The following CHRM3 variants were observed in gnomAD, a reference collection of about 807,000 sequenced individuals.
CHRM3 encodes cholinergic receptor muscarinic 3.
In CHRM3, 11 loss-of-function variants were observed where a neutral mutation model predicts 41.8. That is an observed-to-expected ratio of 0.26 (90% CI 0.17 to 0.44). CHRM3 has a LOEUF of 0.44. Among genes scored for constraint, CHRM3 ranks in the 20% least tolerant of loss-of-function variants. The probability of loss-of-function intolerance (pLI) is 1.00; values close to 1 mark genes in which losing one functional copy is unlikely to be tolerated. For synonymous variants in CHRM3, 297 were observed against 301.4 expected (o/e 0.99, Z 0.15); for missense variants, 571 against 745.4 (o/e 0.77, Z 2.72).
intron 5 of CHRM3, among the ~76,000 whole-genome samples, chr1:239,711,913 C>T (rs964759325): frequency 1.3e-5 from 2 of 152,120 alleles, no homozygotes; most frequent in South Asian, 2.1e-4. Context: ...CCAAGCTGTT[C>T]TCAAACTCCA....
At chr1:239,898,335 T>C (rs10802816) in intron 6 of CHRM3, 144,970 of 152,304 alleles carry the variant, frequency 0.95, 69,053 homozygotes, top group East Asian at 1. Flanking sequence ...CACCTAGTGG[T>C]TTGATGTGGT....
chr1:239,452,214 A>T (rs1181844477), intron 1 of CHRM3, among the ~76,000 whole-genome samples: 3 of 152,190 alleles, frequency 2.0e-5, no homozygotes, highest in Non-Finnish European at 2.9e-5. Flanking sequence ...CTTTGGCTTG[A>T]GTTCCTACTC....
intron 6 of CHRM3, among the ~76,000 whole-genome samples, chr1:239,880,338 G>C (rs1677482023): frequency 1.3e-5 from 2 of 152,248 alleles, no homozygotes; most frequent in Non-Finnish European, 2.9e-5. Context: ...GCTGGTCTCA[G>C]CTGGCTTGAC....
At chr1:239,892,673 G>A (rs187502056) in intron 6 of CHRM3, among the ~76,000 whole-genome samples, 30 of 152,200 alleles carry the variant, frequency 2.0e-4, no homozygotes, top group Admixed American at 1.6e-3. Flanking sequence ...CTAGAAACTA[G>A]CTATTTTTTT....
chr1:239,417,168 G>A (rs934647921), intron 1 of CHRM3, among the ~76,000 whole-genome samples: 2 of 152,192 alleles, frequency 1.3e-5, no homozygotes, highest in African/African-American at 4.8e-5. Context: ...AAGATGTGAA[G>A]AAAACAATTT....
chr1:239,716,275 C>T (rs904545863), intron 5 of CHRM3, among the ~76,000 whole-genome samples: 2 of 151,992 alleles, frequency 1.3e-5, no homozygotes, highest in Non-Finnish European at 2.9e-5. Context: ...AATACAAAGT[C>T]GGTAGAGTTG....
chr1:239,400,687 A>C (rs1470423234), intron 1 of CHRM3, among the ~76,000 whole-genome samples: 2 of 152,098 alleles, frequency 1.3e-5, no homozygotes, highest in Non-Finnish European at 2.9e-5. Context: ...AGTTCTCCCA[A>C]GTGCGTTTGT....
intron 6 of CHRM3, among the ~76,000 whole-genome samples, chr1:239,835,576 C>T (rs1054852221): frequency 6.6e-6 from 1 of 152,034 alleles, no homozygotes; most frequent in African/African-American, 2.4e-5. Context: ...GCTTGGTTTT[C>T]GACCGTCAAA....
chr1:239,780,302 G>A (rs946749454), intron 5 of CHRM3, among the ~76,000 whole-genome samples: 1 of 152,178 alleles, frequency 6.6e-6, no homozygotes, highest in Non-Finnish European at 1.5e-5. Context: ...GGTGTTCTCA[G>A]TGTTCTGGAT....
chr1:239,794,829 T>C (rs1322453416), intron 5 of CHRM3, among the ~76,000 whole-genome samples: 1 of 152,206 alleles, frequency 6.6e-6, no homozygotes, highest in African/African-American at 2.4e-5. Context: ...TTACTTATTT[T>C]CAAGATGTTT....
chr1:239,530,182 C>T (rs893517476), intron 2 of CHRM3, among the ~76,000 whole-genome samples: 2 of 152,086 alleles, frequency 1.3e-5, no homozygotes, highest in Admixed American at 6.6e-5. Flanking sequence ...GGATTACAGG[C>T]GTGAGCCACC....
At chr1:239,630,022 C>A (rs1669628746) in intron 3 of CHRM3, among the ~76,000 whole-genome samples, 1 of 152,172 alleles carries the variant, frequency 6.6e-6, no homozygotes. Context: ...AATGAATCTG[C>A]AGCTAGGATG....
intron 6 of CHRM3, among the ~76,000 whole-genome samples, chr1:239,856,619 A>G (rs1357903679): frequency 6.6e-6 from 1 of 152,168 alleles, no homozygotes; most frequent in Non-Finnish European, 1.5e-5. Flanking sequence ...ACAATGTGAG[A>G]ATGGACTAAT....
intron 2 of CHRM3, among the ~76,000 whole-genome samples, chr1:239,505,113 G>T (rs1043117307): frequency 6.6e-6 from 1 of 152,124 alleles, no homozygotes; most frequent in Non-Finnish European, 1.5e-5. Context: ...TCTGTATTTT[G>T]AGAAAATTAC....
rs1274239862 is a variant in CHRM3, at chr1:239,912,533, G to A, written c.*3309G>A. Reference sequence around the variant, plus strand: ...CTGTCAGGCTTCCTACGTTGCCCTCGTGCAGGGCTCATTGCTCTGCAGAGC... The same window carrying A: ...CTGTCAGGCTTCCTACGTTGCCCTCATGCAGGGCTCATTGCTCTGCAGAGC... On this transcript the variant is annotated 3_prime_UTR_variant, in exon 7 of 7. Transcript: ENST00000676153. 6 of 167,088 alleles carry A rather than the reference G, an allele frequency of 3.6e-5. No homozygotes were observed. The highest frequency in any genetic ancestry group is 3.3e-4 in the Admixed American group (5 of 15,286). 10.4% of individuals were successfully genotyped at this position (167,088 alleles called of 1,614,324 possible).
intron 1 of CHRM3, among the ~76,000 whole-genome samples, chr1:239,478,476 AATTT>A (rs1666607602): frequency 6.6e-6 from 1 of 152,254 alleles, no homozygotes; most frequent in Non-Finnish European, 1.5e-5. Flanking sequence ...GATTAAAAAA[AATTT>A]AAATAACTAT....
intron 4 of CHRM3, among the ~76,000 whole-genome samples, chr1:239,658,375 T>C (rs1319896376): frequency 5.9e-5 from 9 of 152,222 alleles, no homozygotes; most frequent in Non-Finnish European, 1.5e-5. Context: ...TTCTTTGGAC[T>C]CAACTAGAAA....
At chr1:239,797,180 A>G (rs189681771) in intron 5 of CHRM3, among the ~76,000 whole-genome samples, 129 of 152,262 alleles carry the variant, frequency 8.5e-4, no homozygotes, top group African/African-American at 2.9e-3. Flanking sequence ...GATGAGAACA[A>G]TAGACACTGA....
rs145369717 is a variant in CHRM3 at position 239,869,848 on chromosome 1, T to C, written c.-19-37585T>C. ...AATACTTATCGATGGAGTATTCATTTGACTGATAGAGTGGCATAGAGTGGC... is the reference window on the plus strand; with the variant it reads ...AATACTTATCGATGGAGTATTCATTCGACTGATAGAGTGGCATAGAGTGGC... On this transcript the variant is annotated intron_variant, in intron 6 of 6. Transcript: ENST00000676153. Among the ~76,000 whole-genome samples the C allele has an allele frequency of 1.6e-3, 245 of 152,328 alleles. 1 individual carries two copies. The highest frequency in any genetic ancestry group is 5.7e-3 in the African/African-American group (238 of 41,568).
Sources: allele counts gnomAD v4.1 joint callset (sites outside exome capture counted in the v4.1 genomes callset), GRCh38; gene constraint gnomAD v4.1.1; transcripts MANE v1.5; gene names NCBI Gene and HGNC (gene_info 2026-07-23, HGNC 2026-07-21).